ATL2: variants seen among roughly 807,000 people sequenced by gnomAD.
ATL2 encodes atlastin GTPase 2, also known as atlastin-2.
ATL2 carries 31 observed loss-of-function variants against 73.9 expected under a neutral mutation model. The ratio of observed to expected loss-of-function variants is 0.42; its 90% CI spans 0.32 to 0.57. The LOEUF (loss-of-function observed/expected upper bound fraction) is 0.57, where lower values mean the gene tolerates loss of function less well. Ranked by LOEUF, ATL2 falls within the 20% of genes least tolerant of loss-of-function variation. ATL2 has a pLI of 0.14. For synonymous variants in ATL2, 291 were observed against 237.5 expected, an observed-to-expected ratio of 1.23 and a Z score of -2.07; for missense variants, 738 against 702.6, an observed-to-expected ratio of 1.05 and a Z score of -0.57.
At chr2:38,365,857 G>A (rs1300644237) in intron 1 of ATL2, among the ~76,000 whole-genome samples, 2 of 152,032 alleles carry the variant, frequency 1.3e-5, no homozygotes, top group African/African-American at 4.8e-5. Context: ...TGAGGCAGGA[G>A]AATGGTTTGA....
At chr2:38,369,610 G>A (rs867771036) in intron 1 of ATL2, among the ~76,000 whole-genome samples, 26 of 151,478 alleles carry the variant, frequency 1.7e-4, no homozygotes, top group African/African-American at 5.8e-4. Flanking sequence ...AATTAGCCAG[G>A]CATGGTGGCA....
At chr2:38,305,570 G>C (rs1275957962) in intron 9 of ATL2, among the ~76,000 whole-genome samples, 1 of 151,844 alleles carries the variant, frequency 6.6e-6, no homozygotes, top group Non-Finnish European at 1.5e-5. Context: ...CAAAAAAATT[G>C]AAATTATATC....
intron 1 of ATL2, among the ~76,000 whole-genome samples, chr2:38,346,063 G>C (rs1220217692): frequency 6.6e-6 from 1 of 152,188 alleles, no homozygotes; most frequent in Non-Finnish European, 1.5e-5. Flanking sequence ...CAGTGTAGCT[G>C]CGTACTGACA....
rs1172083364 is a variant in ATL2, at chr2:38,343,527, G to A, written c.119-15C>T. ...ATAATTCTCACCTAGAATTTAAAAA[G>A]AAAGAAACTGGTTACTTTAATCCCT... On this transcript the variant is annotated splice_polypyrimidine_tract_variant and intron_variant, in intron 1 of 12. Transcript: ENST00000378954. The A allele has an allele frequency of 6.3e-7, 1 of 1,596,020 alleles. No individual in the cohort carries two copies. Among genetic ancestry groups the A allele is most frequent in the Non-Finnish European group, 8.5e-7 (1 of 1,171,998 alleles).
intron 5 of ATL2, 84 bp downstream of exon 5, chr2:38,315,200 A>C: frequency 7.7e-7 from 1 of 1,299,658 alleles, no homozygotes; most frequent in Non-Finnish European, 9.9e-7. Context: ...GCAGTGAACC[A>C]AGATTGTGCC....
chr2:38,315,432 C>G (rs1667980170), intron 4 of ATL2, 98 bp from the exon 5 acceptor site: 1 of 1,230,720 alleles, frequency 8.1e-7, no homozygotes, highest in African/African-American at 1.6e-5. Flanking sequence ...TATTTTGTAT[C>G]TCAGCGCAAA....
chr2:38,340,030 A>T (rs1558428839), intron 2 of ATL2, among the ~76,000 whole-genome samples: 1 of 152,158 alleles, frequency 6.6e-6, no homozygotes, highest in Non-Finnish European at 1.5e-5. Context: ...AATAACGCAA[A>T]AACATGAGTA....
chr2:38,361,161 G>A (rs1372315222), intron 1 of ATL2, among the ~76,000 whole-genome samples: 2 of 151,884 alleles, frequency 1.3e-5, no homozygotes, highest in African/African-American at 4.8e-5. Context: ...AGACCATCCT[G>A]GCTAACGTGG....
intron 1 of ATL2, among the ~76,000 whole-genome samples, chr2:38,376,897 C>G (rs1465167749): frequency 6.6e-6 from 1 of 150,454 alleles, no homozygotes; most frequent in Non-Finnish European, 1.5e-5. Context: ...CGGTCGCAGA[C>G]GCGCGCGCCA....
intron 12 of ATL2, chr2:38,296,693 G>A (rs1666913650): frequency 6.4e-7 from 1 of 1,557,688 alleles, no homozygotes; most frequent in Non-Finnish European, 8.7e-7. Context: ...CACCTTCCTG[G>A]GACTCCTCTG....
rs1205438027 is a variant in ATL2 at position 38,309,376 on chromosome 2, T to C, written c.1071+3A>G. The C allele has an allele frequency of 8.1e-6, 13 of 1,601,648 alleles. No individual in the cohort carries two copies. Among genetic ancestry groups the C allele is most frequent in the Non-Finnish European group, 1.0e-5 (12 of 1,177,612 alleles). On this transcript the variant is annotated splice_donor_region_variant and intron_variant, in intron 9 of 12. Coordinates refer to ENST00000378954, the MANE Select transcript of ATL2 (RefSeq NM_001135673.4). ...AGACAAAACTGTTTAAGAGCTCACC[T>C]ACCTTAAAATATTCTACAAGATCTC...
chr2:38,328,830 G>A (rs750619151), intron 2 of ATL2, among the ~76,000 whole-genome samples: 52 of 151,790 alleles, frequency 3.4e-4, no homozygotes, highest in African/African-American at 5.1e-4. Flanking sequence ...AAGAACTGAT[G>A]AAATTGAAAC....
At chr2:38,369,391 C>G (rs950162472) in intron 1 of ATL2, among the ~76,000 whole-genome samples, 5 of 151,960 alleles carry the variant, frequency 3.3e-5, no homozygotes, top group Admixed American at 3.3e-4. Context: ...TAGAGTGAGC[C>G]GAGACTGCTC....
At chr2:38,320,929 G>A (rs552029480) in intron 2 of ATL2, among the ~76,000 whole-genome samples, 105 of 151,690 alleles carry the variant, frequency 6.9e-4, no homozygotes, top group African/African-American at 2.5e-3. Context: ...TGGATCACTT[G>A]AGGCTAGGAG....
At chr2:38,354,277 G>A (rs1670534777) in intron 1 of ATL2, 2 of 301,674 alleles carry the variant, frequency 6.6e-6, no homozygotes, top group Admixed American at 9.6e-5. Flanking sequence ...TTATCAAATG[G>A]AAAGTCTCTT....
chr2:38,327,166 G>A (rs1013553858), intron 2 of ATL2, among the ~76,000 whole-genome samples: 3 of 151,920 alleles, frequency 2.0e-5, no homozygotes, highest in East Asian at 1.9e-4. Flanking sequence ...TCGCCAATAC[G>A]TCAGCAAAAA....
rs1177228968 is a variant in ATL2 at position 38,347,767 on chromosome 2, CT to C, written c.119-4256del. Among the ~76,000 whole-genome samples, 395 of 133,892 alleles carry C rather than the reference CT, an allele frequency of 3.0e-3. 2 individuals carry two copies. Among genetic ancestry groups the C allele is most frequent in the Admixed American group, 4.7e-3 (62 of 13,272 alleles). 87.8% of individuals were successfully genotyped at this position (133,892 alleles called of 152,430 possible). On this transcript the variant is annotated intron_variant, in intron 1 of 12. Transcript: ENST00000378954. ...TCAGGAGTCTTACATCTGCCCTTAC[CT>C]TTTTTTTTTTTTTTTTTTTAAGGCA...
chr2:38,310,490 G>A (rs1398214069), intron 7 of ATL2, 43 bp from the exon 8 acceptor site: 2 of 1,549,580 alleles, frequency 1.3e-6, no homozygotes, highest in East Asian at 4.5e-5. Context: ...ACAGAAGAAA[G>A]AAAATTTTTT....
intron 2 of ATL2, among the ~76,000 whole-genome samples, chr2:38,339,315 T>C (rs1288432308): frequency 6.6e-6 from 1 of 152,148 alleles, no homozygotes; most frequent in African/African-American, 2.4e-5. Flanking sequence ...TCGTATTCTG[T>C]ATTAGAGATC....
Sources: gnomAD v4.1 joint callset for allele counts (sites outside exome capture counted in the v4.1 genomes callset) on GRCh38, gnomAD v4.1.1 for gene constraint, MANE v1.5 for transcripts, NCBI Gene and HGNC (gene_info 2026-07-23, HGNC 2026-07-21) for gene names.